Variants in PCDHGA4 observed in about 807,000 individuals in gnomAD.
PCDHGA4 encodes protocadherin gamma subfamily A, 4.
PCDHGA4 carries 38 observed loss-of-function variants against 54.6 expected under a neutral mutation model. The observed-to-expected ratio is 0.70, with a 90% CI of 0.54 to 0.91. The LOEUF is 0.91. Among genes scored for constraint, PCDHGA4 ranks in the 40% least tolerant of loss-of-function variants. The probability of loss-of-function intolerance (pLI) is 0.00; values close to 1 mark genes in which losing one functional copy is unlikely to be tolerated. For missense variants in PCDHGA4, 1,298 were observed against 1,220.9 expected, an observed-to-expected ratio of 1.06 and a Z score of -0.94; for synonymous variants, 511 against 512.9, an observed-to-expected ratio of 1.00 and a Z score of 0.05.
At chr5:141,495,164 C>T (rs1326419591) in intron 2 of PCDHGA4, among the ~76,000 whole-genome samples, 4 of 152,198 alleles carry the variant, frequency 2.6e-5, no homozygotes, top group Admixed American at 1.3e-4. Context: ...AAGCTGGTCT[C>T]TGGGTGAAAG....
chr5:141,404,387 C>A, intron 1 of PCDHGA4: 1 of 1,613,874 alleles, frequency 6.2e-7, no homozygotes, highest in Non-Finnish European at 8.5e-7. Context: ...TGCCTATGAC[C>A]CTGATAGCAA....
chr5:141,389,771 C>G, intron 1 of PCDHGA4: 1 of 1,613,206 alleles, frequency 6.2e-7, no homozygotes, highest in Non-Finnish European at 8.5e-7. Context: ...CAGCGCGTGC[C>G]TTAGGCGACA....
chr5:141,483,099 C>T (rs10068400), intron 1 of PCDHGA4, among the ~76,000 whole-genome samples: 3,098 of 152,014 alleles, frequency 0.02, 87 homozygotes, highest in African/African-American at 0.065. Flanking sequence ...AAAAAGTGTG[C>T]GTGTAAAACA....
chr5:141,441,800 G>T, intron 1 of PCDHGA4: 1 of 382,594 alleles, frequency 2.6e-6, no homozygotes, highest in Non-Finnish European at 5.2e-6. Flanking sequence ...ACGCACCGCG[G>T]GTGCTGTACC....
chr5:141,389,177 C>T, intron 1 of PCDHGA4: 1 of 1,614,052 alleles, frequency 6.2e-7, no homozygotes. Context: ...CTCCCCTCTC[C>T]TCCAGTTCCA....
chr5:141,366,284 C>A (rs941616031), intron 1 of PCDHGA4: 1 of 1,613,596 alleles, frequency 6.2e-7, no homozygotes, highest in African/African-American at 1.3e-5. Flanking sequence ...CCATGGCCAG[C>A]CCCCTCTGTC....
rs754294132 is a variant in PCDHGA4, at chr5:141,389,121, A to G, written c.2514+31500A>G. ...AGATGCTGTTCTAGACCGCGAGCAG[A>G]ATCCAGAGTACAATATAACCGTTAC... is the stretch of plus-strand genomic sequence containing the variant. On this transcript the variant is annotated intron_variant, in intron 1 of 3. Coordinates refer to ENST00000571252, the MANE Select transcript of PCDHGA4 (RefSeq NM_018917.4). The G allele has an allele frequency of 1.1e-5, 17 of 1,613,910 alleles. No individual in the cohort carries two copies. In the Admixed American group the frequency reaches 2.8e-4, roughly 27 times the overall value.
At chr5:141,429,845 T>C (rs888160645) in intron 1 of PCDHGA4, among the ~76,000 whole-genome samples, 4 of 152,222 alleles carry the variant, frequency 2.6e-5, no homozygotes, top group Non-Finnish European at 1.5e-5. Context: ...GGTAAGTCTG[T>C]AACATTCTTT....
intron 1 of PCDHGA4, chr5:141,377,847 A>G (rs1774398188): frequency 6.6e-6 from 1 of 152,152 alleles, no homozygotes; most frequent in Non-Finnish European, 1.5e-5. Flanking sequence ...TCTTCCAATT[A>G]AAATTAAGAT....
intron 1 of PCDHGA4, chr5:141,383,333 A>G: frequency 6.2e-7 from 1 of 1,614,006 alleles, no homozygotes; most frequent in South Asian, 1.1e-5. Context: ...ATAATGGAGA[A>G]TACAGCTCCT....
chr5:141,366,886 T>A (rs1332420618), intron 1 of PCDHGA4: 16 of 1,296,860 alleles, frequency 1.2e-5, no homozygotes, highest in South Asian at 4.5e-5. Flanking sequence ...TAATTTTTTT[T>A]ATATAATTCA....
Position 141,485,072 on chromosome 5 carries a change from G to C in PCDHGA4, c.2515-9735G>C. 1.1e-6 allele frequency: 1 copy of C among 917,012 alleles called. No individual in the cohort carries two copies. The highest frequency in any genetic ancestry group is 1.7e-6 in the Non-Finnish European group (1 of 587,880). 56.8% of individuals were successfully genotyped at this position (917,012 alleles called of 1,614,324 possible). On this transcript the variant is annotated intron_variant, in intron 1 of 3. Coordinates refer to ENST00000571252, the MANE Select transcript of PCDHGA4 (RefSeq NM_018917.4). The surrounding 1 kb of genome is among the most constrained non-coding windows in gnomAD (Gnocchi z 5.7). ...CCGGCCGAACCGCGCCAGAGCTGGCGCGGGGAAAGGGAGATAGGTGTCTCC... is the reference window on the plus strand; with the variant it reads ...CCGGCCGAACCGCGCCAGAGCTGGCCCGGGGAAAGGGAGATAGGTGTCTCC...
At chr5:141,439,531 G>A (rs1474855779) in intron 1 of PCDHGA4, among the ~76,000 whole-genome samples, 5 of 152,126 alleles carry the variant, frequency 3.3e-5, no homozygotes, top group Admixed American at 3.3e-4. Flanking sequence ...TCTACAGAAC[G>A]CTGTCCTCTC....
intron 2 of PCDHGA4, among the ~76,000 whole-genome samples, chr5:141,502,725 G>A (rs1020846462): frequency 2.0e-5 from 3 of 152,150 alleles, no homozygotes; most frequent in Non-Finnish European, 4.4e-5. Context: ...ATTACAAAGC[G>A]GTGATGTTCT....
chr5:141,446,138 T>C (rs1254949926), intron 1 of PCDHGA4, among the ~76,000 whole-genome samples: 1 of 152,208 alleles, frequency 6.6e-6, no homozygotes, highest in African/African-American at 2.4e-5. Context: ...GACTTAATAA[T>C]GGAATAGGTG....
rs770678698 is a variant in PCDHGA4 at position 141,384,022 on chromosome 5, G to A, written c.2514+26401G>A. On this transcript the variant is annotated intron_variant, in intron 1 of 3. Transcript: ENST00000571252. ...TGCTCTTTTCTACCTACAAGACAGA[G>A]ATTCTGGAAAGAATGGTGAGGTGAC... 3 of 1,613,562 alleles carry A rather than the reference G, an allele frequency of 1.9e-6. No individual in the cohort carries two copies. The highest frequency in any genetic ancestry group is 2.5e-6 in the Non-Finnish European group (3 of 1,179,762).
intron 1 of PCDHGA4, chr5:141,410,207 C>T: frequency 6.2e-7 from 1 of 1,614,024 alleles, no homozygotes; most frequent in African/African-American, 1.3e-5. Context: ...AGACAACTTG[C>T]AAGAGATACT....
chr5:141,389,789 C>T (rs1437335316), intron 1 of PCDHGA4: 6 of 1,613,328 alleles, frequency 3.7e-6, no homozygotes, highest in Admixed American at 3.3e-5. Flanking sequence ...ACAGGGACGC[C>T]GTCCGCCAGC....
At position 141,478,208 on chromosome 5, in the gene PCDHGA4, C is replaced by G. The variant is rs200735608; in HGVS notation, c.2515-16599C>G. The G allele has an allele frequency of 2.5e-6, 4 of 1,614,096 alleles. No individual in the cohort carries two copies. The East Asian group carries it at 8.9e-5, about 36-fold the overall frequency. ...TCTCACCTTTTATCTACTTCTTTCTCTAATCCTGGTTTCTGTGGGGTTTGT... is the reference window on the plus strand; with the variant it reads ...TCTCACCTTTTATCTACTTCTTTCTGTAATCCTGGTTTCTGTGGGGTTTGT... On this transcript the variant is annotated intron_variant, in intron 1 of 3. Coordinates refer to ENST00000571252, the MANE Select transcript of PCDHGA4 (RefSeq NM_018917.4).
Sources: allele counts gnomAD v4.1 joint callset (sites outside exome capture counted in the v4.1 genomes callset), GRCh38; gene constraint gnomAD v4.1.1; non-coding constraint Gnocchi (gnomAD v3.1); transcripts MANE v1.5; gene names NCBI Gene and HGNC (gene_info 2026-07-23, HGNC 2026-07-21).